Variants in PCDH15 observed in about 807,000 individuals in gnomAD.
PCDH15 encodes protocadherin-15.
In PCDH15, 129 loss-of-function variants were observed where a neutral mutation model predicts 178.5. The observed-to-expected ratio is 0.72, with a 90% CI of 0.63 to 0.84. PCDH15 has a LOEUF of 0.84. Among genes scored for constraint, PCDH15 ranks in the 40% least tolerant of loss-of-function variants. The pLI is 0.00. For synonymous variants in PCDH15, 800 were observed against 732.0 expected (o/e 1.09, Z -1.50); for missense variants, 2,230 against 2,099.9 (o/e 1.06, Z -1.21).
Position 55,341,787 on chromosome 10 carries a change from ATATATATATATATATATATTTTTTT to A in PCDH15, c.-155-175161_-155-175137del, listed in dbSNP as rs1480464911. 6.8e-3 allele frequency among the ~76,000 whole-genome samples: 373 copies of A among 54,846 alleles called. 8 individuals carry two copies. The highest frequency in any genetic ancestry group is 0.032 in the African/African-American group (342 of 10,656). 36.0% of individuals were successfully genotyped at this position (54,846 alleles called of 152,430 possible). A position where few individuals can be genotyped will look rare whatever the true frequency, so the allele number is the denominator to read the frequency against. On this transcript the variant is annotated intron_variant, in intron 2 of 5. Coordinates refer to the PCDH15 transcript ENST00000613346. Reference sequence around the variant, plus strand: ...CATATATATATATATATATATATATATATATATATATATATATATTTTTTTTTTTTTTTTTTTTTTTTTTAGTAGA... The same window carrying A: ...CATATATATATATATATATATATATATTTTTTTTTTTTTTTTTTTAGTAGA...
At chr10:55,582,534 T>G (rs1842634204) in intron 2 of PCDH15, among the ~76,000 whole-genome samples, 1 of 149,556 alleles carries the variant, frequency 6.7e-6, no homozygotes, top group African/African-American at 2.5e-5. Flanking sequence ...GCCATATAAA[T>G]ATCTCCCTAA....
chr10:54,913,473 G>A (rs1337735067), intron 2 of PCDH15, among the ~76,000 whole-genome samples: 2 of 152,208 alleles, frequency 1.3e-5, no homozygotes, highest in Admixed American at 6.5e-5. Context: ...CCAGGCAGAA[G>A]AATGTGGAAG....
intron 1 of PCDH15, among the ~76,000 whole-genome samples, chr10:55,301,875 T>C (rs1843290640): frequency 6.6e-6 from 1 of 152,274 alleles, no homozygotes; most frequent in South Asian, 2.1e-4. Flanking sequence ...GCTTTTGCAC[T>C]TTTGTCAAAA....
chr10:55,159,480 C>T lies in PCDH15; in HGVS notation c.-80+7096G>A, dbSNP rs1335911242. Among the ~76,000 whole-genome samples the T allele has an allele frequency of 2.7e-5, 4 of 149,002 alleles. No homozygotes were observed. The Admixed American group carries it at 2.7e-4, about 10-fold the overall frequency. On this transcript the variant is annotated intron_variant, in intron 2 of 5. Coordinates refer to the PCDH15 transcript ENST00000458638. ...AAGATCTCTCTCTCTATGTTATGTA[C>T]ACACACACATACACACACACACATA... is the stretch of plus-strand genomic sequence containing the variant.
intron 15 of PCDH15, among the ~76,000 whole-genome samples, chr10:54,095,341 T>A (rs2094682715): frequency 6.6e-6 from 1 of 151,986 alleles, no homozygotes; most frequent in Non-Finnish European, 1.5e-5. Flanking sequence ...TACTGTTATT[T>A]TGTCATTCAT....
intron 1 of PCDH15, among the ~76,000 whole-genome samples, chr10:55,196,741 G>A (rs976335075): frequency 2.6e-5 from 4 of 151,954 alleles, no homozygotes; most frequent in Non-Finnish European, 5.9e-5. Context: ...TACTATTTAT[G>A]TAAAGAAAAA....
chr10:54,094,520 A>T, intron 15 of PCDH15, among the ~76,000 whole-genome samples: 1 of 152,098 alleles, frequency 6.6e-6, no homozygotes, highest in South Asian at 2.1e-4. Flanking sequence ...TGAGGTGAAA[A>T]CAGGCCTGGT....
intron 11 of PCDH15, among the ~76,000 whole-genome samples, chr10:54,186,719 A>C (rs1383117819): frequency 6.6e-6 from 1 of 151,938 alleles, no homozygotes; most frequent in Non-Finnish European, 1.5e-5. Context: ...GAGGCTTCAC[A>C]CTCTGATATT....
chr10:54,251,541 C>T (rs975024307), intron 8 of PCDH15, among the ~76,000 whole-genome samples: 19 of 152,258 alleles, frequency 1.2e-4, no homozygotes, highest in African/African-American at 4.1e-4. Context: ...ACTATAAAAT[C>T]GTAGAGAGTG....
chr10:54,938,782 G>A (rs1347044151), intron 2 of PCDH15, among the ~76,000 whole-genome samples: 2 of 152,068 alleles, frequency 1.3e-5, no homozygotes, highest in Admixed American at 1.3e-4. Context: ...CTAACCACAC[G>A]GATCCTTAAA....
At chr10:55,536,879 A>T (rs1483266610) in intron 2 of PCDH15, among the ~76,000 whole-genome samples, 1 of 152,098 alleles carries the variant, frequency 6.6e-6, no homozygotes, top group African/African-American at 2.4e-5. Flanking sequence ...ATTGAGTCCA[A>T]ATTCTTTTTT....
intron 8 of PCDH15, among the ~76,000 whole-genome samples, chr10:54,260,621 C>T (rs1290653424): frequency 6.6e-6 from 1 of 152,000 alleles, no homozygotes; most frequent in Non-Finnish European, 1.5e-5. Context: ...TGCTCTGTCA[C>T]CCAGGCAAGA....
At chr10:53,818,978 T>C (rs1057144458) in intron 33 of PCDH15, among the ~76,000 whole-genome samples, 12 of 151,662 alleles carry the variant, frequency 7.9e-5, no homozygotes, top group Non-Finnish European at 1.2e-4. Flanking sequence ...TGAAACTGTT[T>C]GTAAAAAAAA....
intron 2 of PCDH15, among the ~76,000 whole-genome samples, chr10:54,647,712 A>T (rs2094160841): frequency 6.6e-6 from 1 of 152,102 alleles, no homozygotes; most frequent in Admixed American, 6.6e-5. Context: ...TAATGATTAA[A>T]TAGATTAAAT....
intron 28 of PCDH15, among the ~76,000 whole-genome samples, chr10:53,848,774 G>A (rs1589076067): frequency 6.6e-6 from 1 of 151,926 alleles, no homozygotes; most frequent in Non-Finnish European, 1.5e-5. Context: ...TCATTACGAT[G>A]ATTCATTGTG....
At chr10:55,064,227 G>T (rs1295780037) in intron 2 of PCDH15, among the ~76,000 whole-genome samples, 1 of 152,064 alleles carries the variant, frequency 6.6e-6, no homozygotes, top group Non-Finnish European at 1.5e-5. Context: ...AATTATCTAG[G>T]AGTTACTGCT....
intron 26 of PCDH15, among the ~76,000 whole-genome samples, chr10:53,868,678 T>G (rs542487145): frequency 1.3e-5 from 2 of 152,282 alleles, no homozygotes; most frequent in South Asian, 2.1e-4. Context: ...CAGCATCAAC[T>G]TGATTTAGCT....
chr10:54,805,342 T>C (rs2133722150), upstream of PCDH15, among the ~76,000 whole-genome samples: 1 of 152,226 alleles, frequency 6.6e-6, no homozygotes, highest in East Asian at 1.9e-4. Context: ...TTACAAGCAG[T>C]GTCTCACCAA....
At chr10:55,472,687 T>G (rs1425106683) in intron 2 of PCDH15, among the ~76,000 whole-genome samples, 2 of 152,152 alleles carry the variant, frequency 1.3e-5, no homozygotes, top group East Asian at 3.9e-4. Context: ...TCCTGCCTCA[T>G]CCTCCCTAGT....
Sources: gnomAD v4.1 joint callset for allele counts (sites outside exome capture counted in the v4.1 genomes callset) on GRCh38, gnomAD v4.1.1 for gene constraint, MANE v1.5 for transcripts, NCBI Gene and HGNC (gene_info 2026-07-23, HGNC 2026-07-21) for gene names.